The following ASB7 variants were observed in gnomAD, a reference collection of about 807,000 sequenced individuals.
ASB7 encodes the protein ankyrin repeat and SOCS box containing 7, also known as ankyrin repeat and SOCS box protein 7.
In ASB7, 4 loss-of-function variants were observed where a neutral mutation model predicts 32.5. The observed-to-expected ratio is 0.12, with a 90% CI of 0.06 to 0.28. The LOEUF (loss-of-function observed/expected upper bound fraction) is 0.28. Ranked by LOEUF, ASB7 falls within the 10% of genes least tolerant of loss-of-function variation. The pLI is 1.00. For synonymous variants in ASB7, 172 were observed against 155.6 expected, an observed-to-expected ratio of 1.11 and a Z score of -0.78; for missense variants, 181 against 407.1, an observed-to-expected ratio of 0.44 and a Z score of 4.78.
chr15:100,608,924 G>C (rs1446792078), intron 2 of ASB7, among the ~76,000 whole-genome samples: 1 of 152,198 alleles, frequency 6.6e-6, no homozygotes, highest in African/African-American at 2.4e-5. Flanking sequence ...TTTCTTGTCT[G>C]AAGGTTTAAG....
At chr15:100,647,315 A>G (rs2040003434) in intron 5 of ASB7, among the ~76,000 whole-genome samples, 1 of 152,206 alleles carries the variant, frequency 6.6e-6, no homozygotes, top group African/African-American at 2.4e-5. Flanking sequence ...GACTCTATAA[A>G]ATGGGGATGA....
chr15:100,620,047 G>A (rs2039778005), intron 4 of ASB7, among the ~76,000 whole-genome samples: 1 of 152,192 alleles, frequency 6.6e-6, no homozygotes. Context: ...TGCATGTGAT[G>A]AGTGGCTGCC....
intron 5 of ASB7, among the ~76,000 whole-genome samples, chr15:100,637,081 G>T (rs549974908): frequency 1.3e-5 from 2 of 152,178 alleles, no homozygotes; most frequent in African/African-American, 2.4e-5. Context: ...ATTAAATCCT[G>T]TTCCTGCGAA....
At chr15:100,628,566 C>T (rs1307107357) in intron 4 of ASB7, among the ~76,000 whole-genome samples, 6 of 152,140 alleles carry the variant, frequency 3.9e-5, no homozygotes, top group East Asian at 3.8e-4. Context: ...AACCAGTCCT[C>T]GTCCGTCTTC....
At chr15:100,612,564 T>C in intron 4 of ASB7, 137 bp downstream of exon 4, 1 of 847,658 alleles carries the variant, frequency 1.2e-6, no homozygotes, top group Non-Finnish European at 1.9e-6. Flanking sequence ...TTTGTGAAGA[T>C]TTGCTATAAG....
chr15:100,630,168 G>A (rs2039873183), intron 5 of ASB7, 126 bp downstream of exon 5: 8 of 1,362,064 alleles, frequency 5.9e-6, no homozygotes, highest in Admixed American at 6.8e-5. Context: ...CTTGGTAAGC[G>A]ATGCCTCATT....
chr15:100,630,679 C>CT (rs1327224061), intron 5 of ASB7, among the ~76,000 whole-genome samples: 1 of 152,092 alleles, frequency 6.6e-6, no homozygotes, highest in Non-Finnish European at 1.5e-5. Context: ...TGTGTGGGTG[C>CT]TTTTTTTAAA....
At chr15:100,620,087 T>C (rs1427210075) in intron 4 of ASB7, among the ~76,000 whole-genome samples, 1 of 152,200 alleles carries the variant, frequency 6.6e-6, no homozygotes, top group Non-Finnish European at 1.5e-5. Flanking sequence ...TCCTTTGGTA[T>C]GTACAGGGGA....
rs1320469897 is a variant in ASB7, at chr15:100,602,927, G to C, written c.-392G>C. 1 of 398,864 alleles carries C rather than the reference G, an allele frequency of 2.5e-6. No individual in the cohort carries two copies. The highest frequency in any genetic ancestry group is 4.4e-6 in the Non-Finnish European group (1 of 226,384). The allele number at this position is 398,864 out of a possible 1,614,324, so 24.7% of individuals were successfully genotyped here. ...ATGTTCGCCGGGCTGGGGCCGTGAG[G>C]CACCGAGGAGGATCAGGAACACCAG... On this transcript the variant is annotated 5_prime_UTR_variant, in exon 1 of 6. Coordinates refer to ENST00000332783, the MANE Select transcript of ASB7 (RefSeq NM_198243.3).
chr15:100,617,658 C>T (rs1055395578), intron 4 of ASB7, among the ~76,000 whole-genome samples: 9 of 152,300 alleles, frequency 5.9e-5, no homozygotes, highest in South Asian at 2.1e-4. Flanking sequence ...GTGATGTTAT[C>T]CCTCTGTTAT....
rs760440317 is a variant in ASB7 at position 100,609,752 on chromosome 15, C to T, written c.-128C>T. The T allele has an allele frequency of 6.6e-6, 1 of 152,068 alleles. No individual in the cohort carries two copies. The highest frequency in any genetic ancestry group is 1.9e-4 in the East Asian group (1 of 5,188). 9.4% of individuals were successfully genotyped at this position (152,068 alleles called of 1,614,324 possible). On this transcript the variant is annotated 5_prime_UTR_variant, in exon 3 of 6. Transcript: ENST00000332783. ...CTGTAGCCTGGACGTACTTTGAAGCCCCTCCCCACGATGCTGTACGTGCAC... is the reference window on the plus strand; with the variant it reads ...CTGTAGCCTGGACGTACTTTGAAGCTCCTCCCCACGATGCTGTACGTGCAC...
chr15:100,624,343 GT>G (rs1363467308), intron 4 of ASB7, among the ~76,000 whole-genome samples: 2 of 152,322 alleles, frequency 1.3e-5, no homozygotes, highest in East Asian at 3.9e-4. Context: ...AATGCTCAAG[GT>G]GATGATGGAT....
intron 5 of ASB7, among the ~76,000 whole-genome samples, chr15:100,631,741 C>A (rs771938702): frequency 2.0e-5 from 3 of 152,166 alleles, no homozygotes; most frequent in African/African-American, 4.8e-5. Flanking sequence ...TTAGTGTCCT[C>A]ACCTTCAAAT....
At chr15:100,645,857 C>A (rs939719715) in intron 5 of ASB7, 2 of 995,962 alleles carry the variant, frequency 2.0e-6, no homozygotes, top group Non-Finnish European at 1.6e-6. Context: ...TCCCAAGATA[C>A]GCTGCAGATT....
In ASB7 at chr15:100,649,264, C is replaced by G. The variant is rs752848512; in HGVS notation, c.*802C>G. On this transcript the variant is annotated 3_prime_UTR_variant, in exon 6 of 6. Coordinates refer to ENST00000332783, the MANE Select transcript of ASB7 (RefSeq NM_198243.3). ...CAATACTCCTTCTGGTGTATTTTAT[C>G]CATTATTTCACTTGCTGGTCGTCAT... 6.6e-6 allele frequency: 1 copy of G among 152,258 alleles called. No individual in the cohort carries two copies. Among genetic ancestry groups the G allele is most frequent in the Non-Finnish European group, 1.5e-5 (1 of 68,042 alleles). The allele number at this position is 152,258 out of a possible 1,614,324, so 9.4% of individuals were successfully genotyped here. A position where few individuals can be genotyped will look rare whatever the true frequency, so the allele number is the denominator to read the frequency against.
intron 5 of ASB7, among the ~76,000 whole-genome samples, chr15:100,637,006 C>T (rs571026921): frequency 6.6e-6 from 1 of 152,242 alleles, no homozygotes; most frequent in Non-Finnish European, 1.5e-5. Context: ...CCGCCAGACA[C>T]TCTCAGGAAA....
chr15:100,622,751 C>A (rs1597003831), intron 4 of ASB7, among the ~76,000 whole-genome samples: 1 of 152,162 alleles, frequency 6.6e-6, no homozygotes, highest in South Asian at 2.1e-4. Context: ...AAGAATAAAA[C>A]CAGACCCCTG....
rs765589049 is a variant in ASB7, at chr15:100,612,245, C to T, written c.29C>T (p.Pro10Leu). The T allele has an allele frequency of 6.2e-7, 1 of 1,614,078 alleles. No homozygotes were observed. Among genetic ancestry groups the T allele is most frequent in the Admixed American group, 1.7e-5 (1 of 60,028 alleles). Residue 10 changes from proline (P) to leucine (L), a missense_variant, in exon 4 of 6, where the codon CCT becomes CTT. Transcript: ENST00000332783. Reference protein sequence around the residue: MLHHHCRRNPELQEELQIQA... With the variant: MLHHHCRRNLELQEELQIQA... The stretch of plus-strand genomic sequence containing the variant: ...TTACACCATCATTGTCGAAGGAACC[C>T]TGAGCTCCAGGAAGAGTTGCAGATT...
At chr15:100,616,891 T>C (rs1004735233) in intron 4 of ASB7, among the ~76,000 whole-genome samples, 2 of 152,216 alleles carry the variant, frequency 1.3e-5, no homozygotes, top group Non-Finnish European at 2.9e-5. Context: ...TAGCCAACTA[T>C]GTGTTTAATG....
Sources: gnomAD v4.1 joint callset for allele counts (sites outside exome capture counted in the v4.1 genomes callset) on GRCh38, gnomAD v4.1.1 for gene constraint, MANE v1.5 for transcripts, NCBI Gene and HGNC (gene_info 2026-07-23, HGNC 2026-07-21) for gene names.